The following ADAM12 variants were observed in gnomAD, a reference collection of about 807,000 sequenced individuals.
ADAM12 encodes the protein disintegrin and metalloproteinase domain-containing protein 12.
Under a neutral mutation model 106.4 loss-of-function variants are expected in ADAM12, and 70 were observed. That is an observed-to-expected ratio of 0.66 (90% CI 0.54 to 0.80). The LOEUF (loss-of-function observed/expected upper bound fraction) is 0.80, where lower values mean the gene tolerates loss of function less well. ADAM12 is among the 30% of genes least tolerant of loss of function. The pLI is 0.00. For synonymous variants in ADAM12, 420 were observed against 433.5 expected (o/e 0.97, Z 0.39); for missense variants, 1,010 against 1,171.9 (o/e 0.86, Z 2.02).
intron 3 of ADAM12, among the ~76,000 whole-genome samples, chr10:126,160,549 G>T (rs929699721): frequency 2.6e-5 from 4 of 152,126 alleles, no homozygotes; most frequent in Non-Finnish European, 5.9e-5. Context: ...TCCCTTCCAG[G>T]AATCTGTGCT....
chr10:126,377,241 G>A (rs947828843), intron 1 of ADAM12, among the ~76,000 whole-genome samples: 1 of 152,180 alleles, frequency 6.6e-6, no homozygotes. Context: ...GGGTTCTCTA[G>A]AGGGACAGAA....
chr10:126,196,153 G>T (rs1957594340), intron 3 of ADAM12, among the ~76,000 whole-genome samples: 1 of 152,334 alleles, frequency 6.6e-6, no homozygotes, highest in East Asian at 1.9e-4. Flanking sequence ...AACGTTTGTA[G>T]ACCCTCATTC....
In ADAM12 at chr10:126,181,072, A is replaced by ATTT. The variant is rs35075200; in HGVS notation, c.261-25770_261-25768dup. ...TAAAAGCAGCTTGTGCTACATAGGG[A>ATTT]TTTTTTTTTTTTTTTTTGAGACACA... On this transcript the variant is annotated intron_variant, in intron 3 of 22. Transcript: ENST00000448723. Among the ~76,000 whole-genome samples, 32 of 140,752 alleles carry ATTT rather than the reference A, an allele frequency of 2.3e-4. 1 individual carries two copies. Among genetic ancestry groups the ATTT allele is most frequent in the African/African-American group, 8.1e-4 (31 of 38,262 alleles). 92.3% of individuals were successfully genotyped at this position (140,752 alleles called of 152,430 possible). A position where few individuals can be genotyped will look rare whatever the true frequency, so the allele number is the denominator to read the frequency against.
At chr10:126,257,037 C>A (rs1413563136) in intron 3 of ADAM12, among the ~76,000 whole-genome samples, 1 of 152,204 alleles carries the variant, frequency 6.6e-6, no homozygotes, top group East Asian at 1.9e-4. Context: ...CACCTGGGGG[C>A]TCCCCAGTCC....
At chr10:126,051,338 C>A (rs904132269) in intron 14 of ADAM12, among the ~76,000 whole-genome samples, 1 of 152,130 alleles carries the variant, frequency 6.6e-6, no homozygotes, top group African/African-American at 2.4e-5. Context: ...CCCTCCCAAC[C>A]ATCCTTCTTT....
At chr10:126,072,803 G>A (rs1328423285) in intron 11 of ADAM12, among the ~76,000 whole-genome samples, 1 of 152,188 alleles carries the variant, frequency 6.6e-6, no homozygotes, top group African/African-American at 2.4e-5. Context: ...TAGAGAGGGA[G>A]CAGGGGCTGC....
In ADAM12 at chr10:126,221,798, A is replaced by T. The variant is rs544242736; in HGVS notation, c.260+57117T>A. ...TAGATCCTTCTCATTCTCCCCAAAG[A>T]ATGACAGGGCTGAACCAGGTGCTAC... On this transcript the variant is annotated intron_variant, in intron 3 of 22. Transcript: ENST00000448723. 5.3e-4 allele frequency among the ~76,000 whole-genome samples: 80 copies of T among 152,328 alleles called. 1 individual carries two copies. The highest frequency in any genetic ancestry group is 1.9e-3 in the African/African-American group (78 of 41,570).
At chr10:126,079,206 G>A (rs1035561117) in intron 11 of ADAM12, among the ~76,000 whole-genome samples, 1 of 151,264 alleles carries the variant, frequency 6.6e-6, no homozygotes, top group Non-Finnish European at 1.5e-5. Context: ...AAGTCACTTC[G>A]AAATATGTAA....
rs1262512466 is a variant in ADAM12 at position 126,158,535 on chromosome 10, G to A, written c.261-3230C>T. On this transcript the variant is annotated intron_variant, in intron 3 of 22. Coordinates refer to ENST00000448723, the MANE Select transcript of ADAM12 (RefSeq NM_001288973.2). ...ACAGAGCACGGGGAGGATGCACAGA[G>A]CACGGGGAGGATGCACAGAGCATGG... Among the ~76,000 whole-genome samples the A allele has an allele frequency of 9.0e-5, 5 of 55,360 alleles. 1 individual carries two copies. The highest frequency in any genetic ancestry group is 2.0e-4 in the Non-Finnish European group (5 of 24,564). The allele number at this position is 55,360 out of a possible 152,430, so 36.3% of individuals were successfully genotyped here.
chr10:126,111,216 C>T (rs1013749967), intron 6 of ADAM12, among the ~76,000 whole-genome samples: 6 of 152,100 alleles, frequency 3.9e-5, no homozygotes, highest in Admixed American at 3.9e-4. Flanking sequence ...AATAAAGCAC[C>T]AGGAAAGGTA....
At chr10:126,117,705 T>C (rs1028864246) in intron 6 of ADAM12, among the ~76,000 whole-genome samples, 3 of 132,974 alleles carry the variant, frequency 2.3e-5, no homozygotes. Context: ...CCTAGGACCA[T>C]AGTAGGGTCT....
chr10:126,040,303 A>G (rs556663900), intron 18 of ADAM12, among the ~76,000 whole-genome samples: 2 of 152,326 alleles, frequency 1.3e-5, no homozygotes, highest in South Asian at 4.1e-4. Context: ...TTGTCTTCCC[A>G]TCAGCAAGGA....
intron 21 of ADAM12, among the ~76,000 whole-genome samples, chr10:126,033,835 A>C (rs938897412): frequency 9.9e-5 from 15 of 152,210 alleles, no homozygotes; most frequent in African/African-American, 3.6e-4. Flanking sequence ...TACTGAATGG[A>C]GAAAACAGTC....
chr10:126,279,596 A>T (rs558920812), intron 2 of ADAM12, among the ~76,000 whole-genome samples: 5 of 152,124 alleles, frequency 3.3e-5, no homozygotes, highest in Non-Finnish European at 5.9e-5. Context: ...GTGTGGTGGC[A>T]CACCCCTGTA....
chr10:126,129,659 T>C lies in ADAM12; in HGVS notation c.416+5925A>G, dbSNP rs552558249. ...AGCACTTCACCGAAACCGTATTAACTGGGAGTTGCGCATCGATGGGAGACA... is the reference window on the plus strand; with the variant it reads ...AGCACTTCACCGAAACCGTATTAACCGGGAGTTGCGCATCGATGGGAGACA... On this transcript the variant is annotated intron_variant, in intron 5 of 22. Transcript: ENST00000448723. Among the ~76,000 whole-genome samples the C allele has an allele frequency of 1.4e-4, 21 of 152,314 alleles. No individual in the cohort carries two copies. The Middle Eastern group carries it at 0.01, about 74-fold the overall frequency.
chr10:126,363,049 A>C lies in ADAM12; in HGVS notation c.88+25009T>G, dbSNP rs141677887. On this transcript the variant is annotated intron_variant, in intron 1 of 22. Transcript: ENST00000448723. ...AAATCATAACATCAATTTGGGCCCC[A>C]TATAATTTGTCAACTCATAATAAAA... 4.1e-3 allele frequency among the ~76,000 whole-genome samples: 629 copies of C among 152,310 alleles called. 2 individuals carry two copies. Among genetic ancestry groups the C allele is most frequent in the African/African-American group, 0.014 (596 of 41,570 alleles).
At chr10:126,108,701 G>A (rs1261866231) in intron 7 of ADAM12, 37 bp from the exon 8 acceptor site, 1 of 1,552,236 alleles carries the variant, frequency 6.4e-7, no homozygotes, top group Admixed American at 1.7e-5. Context: ...ATACCAGCAA[G>A]AATATCAATC....
intron 1 of ADAM12, among the ~76,000 whole-genome samples, chr10:126,334,147 G>C (rs951322997): frequency 6.6e-6 from 1 of 152,182 alleles, no homozygotes; most frequent in Non-Finnish European, 1.5e-5. Context: ...ATACACAGCT[G>C]TGAGGTATCA....
At chr10:126,076,138 ATTC>A (rs1955096034) in intron 11 of ADAM12, among the ~76,000 whole-genome samples, 1 of 152,148 alleles carries the variant, frequency 6.6e-6, no homozygotes, top group Non-Finnish European at 1.5e-5. Flanking sequence ...ATCTACGTGT[ATTC>A]AATGTTTAGT....
Sources: gnomAD v4.1 joint callset for allele counts (sites outside exome capture counted in the v4.1 genomes callset) on GRCh38, gnomAD v4.1.1 for gene constraint, MANE v1.5 for transcripts, NCBI Gene and HGNC (gene_info 2026-07-23, HGNC 2026-07-21) for gene names.